Variants in PCSK6 observed in about 807,000 individuals in gnomAD.
The protein encoded by PCSK6 is proprotein convertase subtilisin/kexin type 6.
Under a neutral mutation model 123.3 loss-of-function variants are expected in PCSK6, and 85 were observed. That is an observed-to-expected ratio of 0.69 (90% confidence interval 0.58 to 0.83). The LOEUF (loss-of-function observed/expected upper bound fraction) is 0.83. Ranked by LOEUF, PCSK6 falls within the 40% of genes least tolerant of loss-of-function variation. PCSK6 has a pLI of 0.00. For synonymous variants in PCSK6, 508 were observed against 516.0 expected (o/e 0.98, Z 0.21); for missense variants, 1,191 against 1,282.3 (o/e 0.93, Z 1.09).
rs77650867 is a variant in PCSK6, at chr15:101,313,077, C to T, written c.2699+299G>A. The T allele has an allele frequency of 5.7e-3, 7,477 of 1,320,934 alleles. 335 individuals are homozygous for T. In the African/African-American group the frequency reaches 0.096, roughly 17 times the overall value. The allele number at this position is 1,320,934 out of a possible 1,614,324, so 81.8% of individuals were successfully genotyped here. A position where few individuals can be genotyped will look rare whatever the true frequency, so the allele number is the denominator to read the frequency against. ...CAGTGCAAAGGATGCATGCTGAGCG[C>T]GACATGGGCAGGGACGTCCCGCGTA... On this transcript the variant is annotated intron_variant, in intron 20 of 21. Coordinates refer to ENST00000611716, the MANE Select transcript of PCSK6 (RefSeq NM_002570.5).
chr15:101,325,000 C>T lies in PCSK6; in HGVS notation c.2227G>A (p.Ala743Thr), dbSNP rs1355481510. 4 of 1,612,244 alleles carry T rather than the reference C, an allele frequency of 2.5e-6. No individual in the cohort carries two copies. The highest frequency in any genetic ancestry group is 1.6e-4 in the Middle Eastern group (1 of 6,084). Residue 743 changes from alanine (A) to threonine (T), a missense_variant, in exon 17 of 22, where the codon GCA becomes ACA. By Grantham distance (58) the Ala-to-Thr change is moderately conservative. Around this residue, in one of 3 missense-constraint regions of PCSK6, gnomAD observed 630 missense variants for 631.4 expected, o/e 1.00. Coordinates refer to ENST00000611716, the MANE Select transcript of PCSK6 (RefSeq NM_002570.5). ...CPLGYFGDTA[A>T]RRCRRCHKGC... ...TTGTGGCACCGGCGACAGCGTCTTG[C>T]TGCTGTGTCCCCAAAGTAGCCCAAG...
intron 13 of PCSK6, among the ~76,000 whole-genome samples, chr15:101,355,827 C>A (rs929987263): frequency 6.6e-6 from 1 of 152,190 alleles, no homozygotes; most frequent in Non-Finnish European, 1.5e-5. Context: ...CTGACCTTGG[C>A]AGGTGCACAG....
chr15:101,339,864 T>C lies in PCSK6; in HGVS notation c.1859-7833A>G, dbSNP rs911922442. 2.0e-5 allele frequency among the ~76,000 whole-genome samples: 3 copies of C among 152,008 alleles called. No homozygotes were observed. In the South Asian group the frequency reaches 6.2e-4, roughly 32 times the overall value. On this transcript the variant is annotated intron_variant, in intron 13 of 21. Transcript: ENST00000611716. ...AGTTGGAGGCTGCAGTGAGCCGTGA[T>C]TGCACACTACATTCCAGCCTGGGTG...
chr15:101,467,196 A>G (rs2057483393), intron 1 of PCSK6, among the ~76,000 whole-genome samples: 1 of 152,160 alleles, frequency 6.6e-6, no homozygotes, highest in African/African-American at 2.4e-5. Context: ...AGTAATCCCA[A>G]TTCTAGGCAC....
intron 1 of PCSK6, among the ~76,000 whole-genome samples, chr15:101,476,592 T>C (rs1013843352): frequency 6.6e-6 from 1 of 151,888 alleles, no homozygotes. Flanking sequence ...AAAATTCTTT[T>C]TGTGTGTATA....
chr15:101,475,840 A>C (rs551232913), intron 1 of PCSK6, among the ~76,000 whole-genome samples: 2 of 152,152 alleles, frequency 1.3e-5, no homozygotes, highest in African/African-American at 2.4e-5. Context: ...ATATTAAAAC[A>C]ACCACCAGAT....
At chr15:101,439,179 T>C (rs1405981646) in intron 2 of PCSK6, among the ~76,000 whole-genome samples, 1 of 151,626 alleles carries the variant, frequency 6.6e-6, no homozygotes, top group African/African-American at 2.4e-5. Flanking sequence ...GTGGAACAAG[T>C]GTAGGGGGGA....
intron 6 of PCSK6, among the ~76,000 whole-genome samples, chr15:101,424,575 A>C (rs144508576): frequency 6.6e-6 from 1 of 152,280 alleles, no homozygotes; most frequent in Admixed American, 6.5e-5. Flanking sequence ...AAAGATGGAA[A>C]TCTGAAGCTA....
At chr15:101,387,950 C>T (rs1208420351) in intron 9 of PCSK6, among the ~76,000 whole-genome samples, 2 of 152,232 alleles carry the variant, frequency 1.3e-5, no homozygotes, top group African/African-American at 2.4e-5. Context: ...TGATGTTTGC[C>T]TGATCCGTCC....
chr15:101,454,880 G>T (rs1262045607), intron 1 of PCSK6, among the ~76,000 whole-genome samples: 5 of 152,128 alleles, frequency 3.3e-5, no homozygotes, highest in African/African-American at 1.2e-4. Context: ...AGGAGGCGGA[G>T]GTTGCAGTGA....
In PCSK6 at chr15:101,464,355, C is replaced by T. The variant is rs147527631; in HGVS notation, c.298-20695G>A. Among the ~76,000 whole-genome samples, 903 of 152,272 alleles carry T rather than the reference C, an allele frequency of 5.9e-3. 6 individuals are homozygous for T. Among genetic ancestry groups the T allele is most frequent in the African/African-American group, 0.021 (871 of 41,564 alleles). On this transcript the variant is annotated intron_variant, in intron 1 of 21. Coordinates refer to ENST00000611716, the MANE Select transcript of PCSK6 (RefSeq NM_002570.5). ...TGCAAGTAGGTCATATGTACCCACA[C>T]GTGTGGACAAGGTGGTTCCCTCACA...
intron 1 of PCSK6, among the ~76,000 whole-genome samples, chr15:101,480,483 C>T (rs1273204896): frequency 6.6e-6 from 1 of 152,186 alleles, no homozygotes; most frequent in Non-Finnish European, 1.5e-5. Context: ...CATGGGAACC[C>T]TAGGCTGCTG....
intron 11 of PCSK6, among the ~76,000 whole-genome samples, chr15:101,379,012 G>A (rs1192330396): frequency 6.6e-6 from 1 of 152,248 alleles, no homozygotes; most frequent in Non-Finnish European, 1.5e-5. Context: ...AGGCGGGGCT[G>A]TGATGCCAGC....
At chr15:101,463,668 G>T (rs12907048) in intron 1 of PCSK6, among the ~76,000 whole-genome samples, 117,291 of 151,940 alleles carry the variant, frequency 0.77, 45,666 homozygotes, top group Non-Finnish European at 0.82. Flanking sequence ...TGGGTGTGAG[G>T]GTGTGAGTCT....
intron 6 of PCSK6, among the ~76,000 whole-genome samples, chr15:101,401,553 C>A (rs1343783436): frequency 6.6e-6 from 1 of 152,184 alleles, no homozygotes; most frequent in East Asian, 1.9e-4. Context: ...GCAGGAGGGA[C>A]GTGGGGCATG....
chr15:101,459,775 A>G (rs113783240), intron 1 of PCSK6, among the ~76,000 whole-genome samples: 4,124 of 150,996 alleles, frequency 0.027, 190 homozygotes, highest in African/African-American at 0.091. Flanking sequence ...CTGGTCCTCC[A>G]TCCATGCGCC....
chr15:101,358,380 T>A (rs892152946), intron 13 of PCSK6, among the ~76,000 whole-genome samples: 1 of 152,216 alleles, frequency 6.6e-6, no homozygotes, highest in Admixed American at 6.5e-5. Flanking sequence ...AGCCCTTCCT[T>A]GTTTCTTTCA....
intron 17 of PCSK6, among the ~76,000 whole-genome samples, chr15:101,323,076 G>A (rs1029075787): frequency 2.6e-5 from 4 of 152,164 alleles, no homozygotes; most frequent in Non-Finnish European, 5.9e-5. Context: ...GTGCCTCTTG[G>A]GGAAGTTTTG....
At chr15:101,312,452 T>C (rs200741620) in intron 20 of PCSK6, 23,794 of 151,948 alleles carry the variant, frequency 0.16, 3,602 homozygotes, top group African/African-American at 0.4. Flanking sequence ...AGGGTGAAAA[T>C]AGATGTGCGT....
Sources: allele counts gnomAD v4.1 joint callset (sites outside exome capture counted in the v4.1 genomes callset), GRCh38; gene constraint gnomAD v4.1.1; regional missense constraint gnomAD v4.1.1; transcripts MANE v1.5; gene names NCBI Gene and HGNC (gene_info 2026-07-23, HGNC 2026-07-21).